PAK3: variants seen among roughly 807,000 people sequenced by gnomAD.
PAK3 encodes the protein serine/threonine-protein kinase PAK 3.
Under a neutral mutation model 41.0 loss-of-function variants are expected in PAK3, and 4 were observed. The observed-to-expected ratio is 0.10, with a 90% CI of 0.05 to 0.22. The LOEUF is 0.22. Ranked by LOEUF, PAK3 falls within the 10% of genes least tolerant of loss-of-function variation. The pLI is 1.00. For missense variants in PAK3, 205 were observed against 409.9 expected, an observed-to-expected ratio of 0.50 and a Z score of 4.32; for synonymous variants, 146 against 139.6, an observed-to-expected ratio of 1.05 and a Z score of -0.32.
At chrX:111,010,425 G>A (rs1197362440) in intron 1 of PAK3, among the ~76,000 whole-genome samples, 2 of 111,502 alleles carry the variant, frequency 1.8e-5, no homozygotes, top group Admixed American at 9.5e-5. Flanking sequence ...AGTGCTAGCT[G>A]ATATGGTTTG....
chrX:110,989,450 G>T lies in PAK3; in HGVS notation c.-28+44822G>T, dbSNP rs770880995. Reference sequence around the variant, plus strand: ...AATTTTTAATGCTGCCAGATATTTTGATTTTTCTAGAGAGCTTGGACATCT... The same window carrying T: ...AATTTTTAATGCTGCCAGATATTTTTATTTTTCTAGAGAGCTTGGACATCT... On this transcript the variant is annotated intron_variant, in intron 1 of 14. Coordinates refer to the PAK3 transcript ENST00000425146. Among the ~76,000 whole-genome samples the T allele has an allele frequency of 2.7e-5, 3 of 111,943 alleles. No homozygotes were observed. The South Asian group carries it at 1.1e-3, about 42-fold the overall frequency.
At position 111,020,831 on chromosome X, in the gene PAK3, G is replaced by A. The variant is rs779255873; in HGVS notation, c.-28+76203G>A. Among the ~76,000 whole-genome samples the A allele has an allele frequency of 3.1e-4, 34 of 111,034 alleles. 1 individual carries two copies. The highest frequency in any genetic ancestry group is 8.6e-4 in the East Asian group (3 of 3,482). Reference sequence around the variant, plus strand: ...GTGGGGGTATGGTGGAAGTGAGACCGGCCTTTAGGACTGTGGGCTCTGTGG... The same window carrying A: ...GTGGGGGTATGGTGGAAGTGAGACCAGCCTTTAGGACTGTGGGCTCTGTGG... On this transcript the variant is annotated intron_variant, in intron 1 of 14. Transcript: ENST00000425146.
intron 1 of PAK3, among the ~76,000 whole-genome samples, chrX:111,052,505 T>C (rs1355291787): frequency 8.9e-6 from 1 of 112,858 alleles, no homozygotes; most frequent in East Asian, 2.8e-4. Flanking sequence ...AAGCACCTTA[T>C]GCACATCATC....
chrX:111,019,960 T>G (rs768561895), intron 1 of PAK3, among the ~76,000 whole-genome samples: 6 of 111,526 alleles, frequency 5.4e-5, no homozygotes, highest in African/African-American at 1.3e-4. Context: ...TCATGTGCAT[T>G]GCTGGTGGGA....
intron 1 of PAK3, among the ~76,000 whole-genome samples, chrX:110,988,280 T>C (rs2091582828): frequency 1.8e-5 from 2 of 111,793 alleles, no homozygotes; most frequent in Admixed American, 1.9e-4. Context: ...TTATTCAAGC[T>C]GTCAATTGTT....
intron 1 of PAK3, among the ~76,000 whole-genome samples, chrX:110,978,586 C>T (rs1378429366): frequency 1.8e-5 from 2 of 111,749 alleles, no homozygotes; most frequent in African/African-American, 6.5e-5. Flanking sequence ...ATTCTATTGA[C>T]TAATATTTTG....
intron 1 of PAK3, among the ~76,000 whole-genome samples, chrX:111,086,035 C>T (rs1437755313): frequency 1.2e-5 from 1 of 85,587 alleles, no homozygotes; most frequent in Non-Finnish European, 2.1e-5. Flanking sequence ...TAGCTTAAAC[C>T]GTAGAGAGAA....
At chrX:111,040,089 TGAA>T (rs1222212171) in intron 1 of PAK3, among the ~76,000 whole-genome samples, 1 of 110,420 alleles carries the variant, frequency 9.1e-6, no homozygotes, top group African/African-American at 3.3e-5. Flanking sequence ...GAGGTTTCCC[TGAA>T]GAAGAAGACT....
chrX:111,056,596 T>C (rs973863537), intron 1 of PAK3, among the ~76,000 whole-genome samples: 2 of 112,051 alleles, frequency 1.8e-5, no homozygotes, highest in African/African-American at 6.5e-5. Flanking sequence ...TTGTGTATGG[T>C]TTTTTAAATA....
chrX:111,075,680 G>C (rs779876464), intron 1 of PAK3, among the ~76,000 whole-genome samples: 97 of 112,719 alleles, frequency 8.6e-4, no homozygotes, highest in African/African-American at 3.0e-3. Flanking sequence ...GCCCCAACCA[G>C]GTACTGCCTG....
At chrX:110,968,679 GT>G (rs2091132089) in intron 1 of PAK3, among the ~76,000 whole-genome samples, 1 of 111,725 alleles carries the variant, frequency 9.0e-6, no homozygotes, top group South Asian at 3.7e-4. Flanking sequence ...AAATTTTGTG[GT>G]TTTTGTCATT....
chrX:111,095,731 G>A (rs933862338), upstream of PAK3, among the ~76,000 whole-genome samples: 3 of 111,672 alleles, frequency 2.7e-5, no homozygotes, highest in East Asian at 2.8e-4. Flanking sequence ...TAGAGATTCC[G>A]TCAGTTTAAC....
intron 10 of PAK3, among the ~76,000 whole-genome samples, chrX:111,172,229 G>A (rs771831470): frequency 5.4e-5 from 6 of 111,304 alleles, no homozygotes; most frequent in South Asian, 3.7e-4. Context: ...TTGATATAAC[G>A]TTTGGTATTG....
At chrX:111,125,748 T>G (rs749423756) in intron 5 of PAK3, among the ~76,000 whole-genome samples, 7 of 111,586 alleles carry the variant, frequency 6.3e-5, no homozygotes, top group Non-Finnish European at 1.3e-4. Context: ...CTGACAAAGT[T>G]TGATTTAATT....
intron 4 of PAK3, among the ~76,000 whole-genome samples, chrX:111,109,200 A>T (rs1162359530): frequency 1.8e-5 from 2 of 112,235 alleles, no homozygotes; most frequent in African/African-American, 6.5e-5. Context: ...TGTTAAGAGG[A>T]TGAAATGAGA....
Position 111,192,506 on chromosome X carries a change from G to C in PAK3, c.880G>C (p.Val294Leu). 9.8e-7 allele frequency: 1 copy of C among 1,022,318 alleles called. No individual in the cohort carries two copies. 84.3% of individuals were successfully genotyped at this position (1,022,318 alleles called of 1,213,427 possible). ...TTCTTGTATTTTAATTGCCATTCAG[G>C]TGGCCATAAAGCAGATGAACCTTCA... is the stretch of plus-strand genomic sequence containing the variant. ...TALDIATGQE[V>L]AIKQMNLQQQ... Residue 294 changes from valine (V) to leucine (L), a missense_variant and splice_region_variant, in exon 13 of 18, where the codon GTG becomes CTG. This residue lies in a region of PAK3 where 42 missense variants were observed against 152.7 expected (regional missense o/e 0.28). Transcript: ENST00000372007.
intron 16 of PAK3, among the ~76,000 whole-genome samples, chrX:111,208,988 A>G (rs2094788647): frequency 9.1e-6 from 1 of 110,169 alleles, no homozygotes; most frequent in South Asian, 4.0e-4. Context: ...ACAATACTGT[A>G]TGAAACCCCT....
intron 1 of PAK3, among the ~76,000 whole-genome samples, chrX:110,983,344 C>T (rs138941825): frequency 1.8e-5 from 2 of 110,513 alleles, no homozygotes; most frequent in African/African-American, 3.3e-5. Flanking sequence ...AGAGTGATGG[C>T]GTTCTGGGCT....
At chrX:111,125,594 G>A (rs1192599392) in intron 5 of PAK3, among the ~76,000 whole-genome samples, 2 of 111,305 alleles carry the variant, frequency 1.8e-5, no homozygotes, top group African/African-American at 6.5e-5. Context: ...GATATTACCT[G>A]TTCAAAATTT....
Sources: gnomAD v4.1 joint callset for allele counts (sites outside exome capture counted in the v4.1 genomes callset) on GRCh38, gnomAD v4.1.1 for gene constraint, gnomAD v4.1.1 regional missense constraint, MANE v1.5 for transcripts, NCBI Gene and HGNC (gene_info 2026-07-23, HGNC 2026-07-21) for gene names.